TAF4B: variants seen among roughly 807,000 people sequenced by gnomAD.
TAF4B encodes transcription initiation factor TFIID subunit 4B.
In TAF4B, 38 loss-of-function variants were observed where a neutral mutation model predicts 86.4. The observed-to-expected ratio is 0.44, with a 90% CI of 0.34 to 0.58. The LOEUF is 0.58. Among genes scored for constraint, TAF4B ranks in the 20% least tolerant of loss-of-function variants. TAF4B has a pLI of 0.02. For missense variants in TAF4B, 988 were observed against 1,027.6 expected (o/e 0.96, Z 0.53); for synonymous variants, 388 against 391.2 (o/e 0.99, Z 0.10).
intron 1 of TAF4B, chr18:26,256,471 T>A (rs1303215261): frequency 1.6e-6 from 1 of 637,978 alleles, no homozygotes; most frequent in East Asian, 2.7e-5. Flanking sequence ...ACTCCAGTTT[T>A]GTTGATTTTT....
intron 13 of TAF4B, among the ~76,000 whole-genome samples, chr18:26,340,683 T>C (rs1272810454): frequency 6.6e-6 from 1 of 152,102 alleles, no homozygotes; most frequent in Non-Finnish European, 1.5e-5. Context: ...TCCAATAAAT[T>C]ACCAGATGTT....
Position 26,391,100 on chromosome 18 carries a change from A to T in TAF4B, c.*1088A>T, listed in dbSNP as rs1460782766. ...AATAGGACTTTATGTTGGATTCTGT[A>T]CTTAAAAGGTACTGTCAATATCTCA... On this transcript the variant is annotated 3_prime_UTR_variant, in exon 15 of 15. Coordinates refer to ENST00000269142, the MANE Select transcript of TAF4B (RefSeq NM_005640.3). The T allele has an allele frequency of 6.6e-6, 1 of 152,134 alleles. No homozygotes were observed. The highest frequency in any genetic ancestry group is 1.5e-5 in the Non-Finnish European group (1 of 68,026). 9.4% of individuals were successfully genotyped at this position (152,134 alleles called of 1,614,324 possible).
chr18:26,388,290 T>C (rs1274515105), intron 14 of TAF4B, among the ~76,000 whole-genome samples: 2 of 152,230 alleles, frequency 1.3e-5, no homozygotes, highest in African/African-American at 4.8e-5. Flanking sequence ...TTGGTAAACA[T>C]ATTCAGAAAA....
At chr18:26,285,357 T>C (rs957439133) in intron 6 of TAF4B, among the ~76,000 whole-genome samples, 1 of 151,486 alleles carries the variant, frequency 6.6e-6, no homozygotes, top group African/African-American at 2.4e-5. Flanking sequence ...CTGACTAATT[T>C]TTGTATTTTT....
Position 26,292,447 on chromosome 18 carries a change from T to C in TAF4B, c.1726+66T>C, listed in dbSNP as rs961532414. On this transcript the variant is annotated intron_variant, in intron 8 of 14. Coordinates refer to ENST00000269142, the MANE Select transcript of TAF4B (RefSeq NM_005640.3). ...AACATGAAGGGGTTTTGTATAACTT[T>C]TTTGTTGCTGTGTTAAGAGAAGAGA... 1.3e-4 allele frequency: 195 copies of C among 1,522,862 alleles called. 2 individuals carry two copies. The South Asian group carries it at 2.3e-3, about 18-fold the overall frequency. The allele number at this position is 1,522,862 out of a possible 1,614,324, so 94.3% of individuals were successfully genotyped here.
At chr18:26,346,884 T>C (rs1273291263) in intron 13 of TAF4B, among the ~76,000 whole-genome samples, 1 of 8,374 alleles carries the variant, frequency 1.2e-4, no homozygotes, top group Non-Finnish European at 5.1e-4. Flanking sequence ...TGTGTATATA[T>C]ATATATATAT....
intron 1 of TAF4B, among the ~76,000 whole-genome samples, chr18:26,245,478 G>A (rs1486169425): frequency 1.3e-5 from 2 of 152,154 alleles, no homozygotes; most frequent in African/African-American, 4.8e-5. Flanking sequence ...GCCAGCTTTT[G>A]TTCCCTTATT....
chr18:26,291,823 A>G (rs1310169619), intron 7 of TAF4B, among the ~76,000 whole-genome samples: 2 of 152,190 alleles, frequency 1.3e-5, no homozygotes, highest in African/African-American at 2.4e-5. Context: ...TTTGCCTTAA[A>G]ATAATTGAGG....
intron 1 of TAF4B, among the ~76,000 whole-genome samples, chr18:26,256,726 A>G (rs2593310): frequency 1.3e-5 from 2 of 151,866 alleles, no homozygotes; most frequent in Non-Finnish European, 2.9e-5. Context: ...CATTCATCTC[A>G]AAAGTATTTT....
intron 13 of TAF4B, among the ~76,000 whole-genome samples, chr18:26,356,763 G>A (rs961752285): frequency 1.4e-5 from 2 of 147,100 alleles, no homozygotes; most frequent in African/African-American, 2.5e-5. Flanking sequence ...TTATCTAGTG[G>A]TGTTCTATTT....
chr18:26,353,203 G>T (rs1049580087), intron 13 of TAF4B, among the ~76,000 whole-genome samples: 8 of 152,006 alleles, frequency 5.3e-5, no homozygotes, highest in African/African-American at 1.9e-4. Context: ...ATCTACTTTA[G>T]ATTTGATATA....
intron 10 of TAF4B, among the ~76,000 whole-genome samples, chr18:26,316,246 C>T (rs1384110726): frequency 2.0e-5 from 3 of 151,992 alleles, no homozygotes; most frequent in African/African-American, 4.8e-5. Flanking sequence ...GTGAAGGTTT[C>T]GATTTTTATA....
chr18:26,264,076 C>A (rs543707160), intron 1 of TAF4B, among the ~76,000 whole-genome samples: 1 of 152,152 alleles, frequency 6.6e-6, no homozygotes, highest in Admixed American at 6.5e-5. Context: ...CACAAATTGC[C>A]TTGGGGAGTG....
chr18:26,283,043 C>T (rs919877518), intron 6 of TAF4B, among the ~76,000 whole-genome samples: 1 of 152,210 alleles, frequency 6.6e-6, no homozygotes, highest in African/African-American at 2.4e-5. Flanking sequence ...ACTTCTTCCA[C>T]TGAAGTTCTG....
chr18:26,306,491 A>G (rs2056796037), intron 9 of TAF4B, among the ~76,000 whole-genome samples: 2 of 152,204 alleles, frequency 1.3e-5, no homozygotes, highest in Admixed American at 1.3e-4. Context: ...ATGAAAGCTT[A>G]CAATGATTGT....
At position 26,279,998 on chromosome 18, in the gene TAF4B, C is replaced by T. The variant is rs140964150; in HGVS notation, c.883-1973C>T. On this transcript the variant is annotated intron_variant, in intron 5 of 14. Transcript: ENST00000269142. ...GGGGGAGGTTGCAGTGGGCCAAGATCACGCCACTGCACTACAGCCTAGGTG... is the reference window on the plus strand; with the variant it reads ...GGGGGAGGTTGCAGTGGGCCAAGATTACGCCACTGCACTACAGCCTAGGTG... Among the ~76,000 whole-genome samples the T allele has an allele frequency of 4.5e-3, 681 of 151,282 alleles. 7 individuals carry two copies. The highest frequency in any genetic ancestry group is 0.016 in the African/African-American group (657 of 41,158).
chr18:26,373,498 A>G (rs1356489269), intron 14 of TAF4B, among the ~76,000 whole-genome samples: 3 of 152,160 alleles, frequency 2.0e-5, no homozygotes, highest in Non-Finnish European at 2.9e-5. Flanking sequence ...CAATATATGT[A>G]TATTGTAGAA....
At chr18:26,308,992 A>G (rs529136404) in intron 9 of TAF4B, among the ~76,000 whole-genome samples, 13 of 152,138 alleles carry the variant, frequency 8.5e-5, no homozygotes, top group African/African-American at 3.1e-4. Context: ...CTAGTATACT[A>G]TAGATCAGCA....
At position 26,285,987 on chromosome 18, in the gene TAF4B, A is replaced by G. The variant is rs1008259883; in HGVS notation, c.1078A>G (p.Thr360Ala). 19 of 1,614,108 alleles carry G rather than the reference A, an allele frequency of 1.2e-5. No homozygotes were observed. Among genetic ancestry groups the G allele is most frequent in the Middle Eastern group, 1.6e-4 (1 of 6,084 alleles). ...SDMVIATCTT[T>A]VTTSPVVTTT... The stretch of plus-strand genomic sequence containing the variant: ...CATGGTCATTGCTACCTGTACTACA[A>G]CAGTAACAACTTCTCCTGTGGTGAC... The change falls in exon 7 of 15, where the codon ACA becomes GCA. Residue 360 changes from threonine to alanine, a missense_variant. Coordinates refer to ENST00000269142, the MANE Select transcript of TAF4B (RefSeq NM_005640.3).
Sources: gnomAD v4.1 joint callset for allele counts (sites outside exome capture counted in the v4.1 genomes callset) on GRCh38, gnomAD v4.1.1 for gene constraint, MANE v1.5 for transcripts, NCBI Gene and HGNC (gene_info 2026-07-23, HGNC 2026-07-21) for gene names.